Variants in RBFOX1 observed in about 807,000 individuals in gnomAD.
RBFOX1 encodes the protein RNA binding protein fox-1 homolog 1.
A neutral mutation model predicts 57.7 loss-of-function variants in RBFOX1; 8 were observed. The ratio of observed to expected loss-of-function variants is 0.14; its 90% CI spans 0.08 to 0.25. RBFOX1 has a LOEUF of 0.25. RBFOX1 is among the 10% of genes least tolerant of loss of function. The pLI, the probability that RBFOX1 is intolerant of heterozygous loss-of-function variation, is 1.00. For synonymous variants in RBFOX1, 326 were observed against 222.4 expected (o/e 1.47, Z -4.15); for missense variants, 611 against 548.5 (o/e 1.11, Z -1.14).
intron 1 of RBFOX1, among the ~76,000 whole-genome samples, chr16:6,180,722 C>T (rs1257521371): frequency 6.6e-6 from 1 of 151,890 alleles, no homozygotes; most frequent in African/African-American, 2.4e-5. Flanking sequence ...CCCGCCACCA[C>T]ACCCAGCTAA....
intron 4 of RBFOX1, among the ~76,000 whole-genome samples, chr16:7,197,704 C>G (rs546066635): frequency 6.6e-6 from 1 of 152,122 alleles, no homozygotes; most frequent in Non-Finnish European, 1.5e-5. Context: ...TGTGGATAAA[C>G]TAAATGTGGT....
At chr16:5,646,989 G>A (rs541234145) in intron 3 of RBFOX1, among the ~76,000 whole-genome samples, 2 of 152,174 alleles carry the variant, frequency 1.3e-5, no homozygotes, top group East Asian at 1.9e-4. Flanking sequence ...CGCAGCCGGC[G>A]GCTGCGATGG....
intron 2 of RBFOX1, among the ~76,000 whole-genome samples, chr16:5,539,076 A>G (rs188441694): frequency 1.1e-3 from 166 of 152,322 alleles, no homozygotes; most frequent in African/African-American, 3.9e-3. Context: ...GAGGACAGAT[A>G]AGACCTGCCT....
chr16:6,964,261 C>T (rs916494227), intron 3 of RBFOX1, among the ~76,000 whole-genome samples: 4 of 152,116 alleles, frequency 2.6e-5, no homozygotes, highest in African/African-American at 4.8e-5. Context: ...TCAAGTGATG[C>T]ACCCCCCTCG....
intron 2 of RBFOX1, among the ~76,000 whole-genome samples, chr16:6,602,589 C>G (rs139253770): frequency 9.9e-5 from 15 of 152,072 alleles, no homozygotes; most frequent in Non-Finnish European, 1.8e-4. Flanking sequence ...GGAGGCCAGG[C>G]GGGGACTCCT....
intron 2 of RBFOX1, among the ~76,000 whole-genome samples, chr16:6,379,000 GA>G (rs1191734259): frequency 6.6e-6 from 1 of 152,152 alleles, no homozygotes; most frequent in African/African-American, 2.4e-5. Flanking sequence ...AGACATAGAA[GA>G]GAGCTCTTCA....
intron 3 of RBFOX1, among the ~76,000 whole-genome samples, chr16:6,895,233 A>G (rs1319663730): frequency 6.6e-6 from 1 of 151,788 alleles, no homozygotes; most frequent in Non-Finnish European, 1.5e-5. Context: ...CAGAGACCAA[A>G]TGTATATCCC....
chr16:7,294,360 A>G (rs182699399), intron 4 of RBFOX1, among the ~76,000 whole-genome samples: 6 of 152,206 alleles, frequency 3.9e-5, no homozygotes, highest in East Asian at 3.9e-4. Flanking sequence ...GAAGGCTGCT[A>G]TAGGAACTGA....
intron 5 of RBFOX1, among the ~76,000 whole-genome samples, chr16:7,573,037 G>A (rs1227061608): frequency 1.3e-5 from 2 of 152,070 alleles, no homozygotes; most frequent in Non-Finnish European, 2.9e-5. Context: ...GGCAAGAAGA[G>A]ATGTATGCTG....
Position 5,727,955 on chromosome 16 carries a change from G to A in RBFOX1, c.318+128994G>A, listed in dbSNP as rs188835609. ...TTCCACCTTGGCCTCCCAAAGTTCT[G>A]GGATTACAGGAGACAGCTACCATGC... On this transcript the variant is annotated intron_variant, in intron 3 of 19. Coordinates refer to the RBFOX1 transcript ENST00000641259. Among the ~76,000 whole-genome samples the A allele has an allele frequency of 2.0e-5, 3 of 152,298 alleles. No homozygotes were observed. In the East Asian group the frequency reaches 5.8e-4, roughly 29 times the overall value.
intron 2 of RBFOX1, among the ~76,000 whole-genome samples, chr16:6,589,936 A>G (rs1367284277): frequency 6.6e-6 from 1 of 152,174 alleles, no homozygotes; most frequent in Non-Finnish European, 1.5e-5. Context: ...TAGCTACATC[A>G]TGAGCTTGAA....
chr16:6,180,151 G>T (rs944645736), intron 1 of RBFOX1, among the ~76,000 whole-genome samples: 1 of 152,084 alleles, frequency 6.6e-6, no homozygotes, highest in Admixed American at 6.6e-5. Flanking sequence ...AGTAGTCTCA[G>T]ATTTCTTCCT....
chr16:7,244,211 C>T (rs1019532087), intron 4 of RBFOX1, among the ~76,000 whole-genome samples: 1 of 141,990 alleles, frequency 7.0e-6, no homozygotes, highest in African/African-American at 2.6e-5. Flanking sequence ...TTCATCCCTT[C>T]TTCAGAGTCT....
chr16:5,468,697 C>A (rs754106008), intron 2 of RBFOX1, among the ~76,000 whole-genome samples: 1 of 152,214 alleles, frequency 6.6e-6, no homozygotes, highest in Admixed American at 6.5e-5. Context: ...GAATATTATA[C>A]AGCCATAAAA....
At chr16:6,662,839 T>C (rs1439259725) in intron 3 of RBFOX1, among the ~76,000 whole-genome samples, 5 of 152,188 alleles carry the variant, frequency 3.3e-5, no homozygotes, top group Non-Finnish European at 7.3e-5. Flanking sequence ...GCTCTTTCTG[T>C]TTACTTCAAC....
At chr16:6,372,821 A>G (rs1022879319) in intron 2 of RBFOX1, among the ~76,000 whole-genome samples, 1 of 150,538 alleles carries the variant, frequency 6.6e-6, no homozygotes, top group East Asian at 2.0e-4. Flanking sequence ...GTATAACTGG[A>G]TGGGAGGATG....
At chr16:6,154,636 T>C (rs143041031) in intron 1 of RBFOX1, among the ~76,000 whole-genome samples, 1 of 152,196 alleles carries the variant, frequency 6.6e-6, no homozygotes, top group Admixed American at 6.6e-5. Flanking sequence ...ACTCTTGGTA[T>C]TGGAATCAGA....
chr16:7,444,675 G>A (rs1323237239), intron 4 of RBFOX1, among the ~76,000 whole-genome samples: 1 of 151,992 alleles, frequency 6.6e-6, no homozygotes, highest in African/African-American at 2.4e-5. Flanking sequence ...TGTACCATAG[G>A]TGCACACCAC....
At chr16:6,239,413 C>T (rs193196930) in intron 1 of RBFOX1, among the ~76,000 whole-genome samples, 9 of 151,324 alleles carry the variant, frequency 5.9e-5, no homozygotes, top group Admixed American at 3.9e-4. Context: ...AATACCCGTC[C>T]CATGGCACTC....
Sources: gnomAD v4.1 joint callset for allele counts (sites outside exome capture counted in the v4.1 genomes callset) on GRCh38, gnomAD v4.1.1 for gene constraint, MANE v1.5 for transcripts, NCBI Gene and HGNC (gene_info 2026-07-23, HGNC 2026-07-21) for gene names.